Variants in SYTL5 observed in about 807,000 individuals in gnomAD.
SYTL5 encodes synaptotagmin like 5, also known as synaptotagmin-like protein 5.
A neutral mutation model predicts 55.9 loss-of-function variants in SYTL5; 34 were observed. The observed-to-expected ratio is 0.61, with a 90% CI of 0.46 to 0.81. The LOEUF is 0.81. Ranked by LOEUF, SYTL5 falls within the 30% of genes least tolerant of loss-of-function variation. The pLI is 0.00. For missense variants in SYTL5, 637 were observed against 546.7 expected, an observed-to-expected ratio of 1.17 and a Z score of -1.65; for synonymous variants, 221 against 188.7, an observed-to-expected ratio of 1.17 and a Z score of -1.40.
intron 13 of SYTL5, among the ~76,000 whole-genome samples, chrX:38,118,499 A>G (rs1038186126): frequency 8.9e-6 from 1 of 111,777 alleles, no homozygotes; most frequent in Non-Finnish European, 1.9e-5. Context: ...AAAGCCTGAC[A>G]AAGTATACTG....
the SYTL5 span, among the ~76,000 whole-genome samples, chrX:37,947,134 G>T: frequency 1.8e-5 from 2 of 110,878 alleles, no homozygotes; most frequent in Non-Finnish European, 3.8e-5. Context: ...GGGCCAAATT[G>T]ATTGTCTTCA....
At chrX:38,107,565 G>A (rs910789314) in intron 11 of SYTL5, among the ~76,000 whole-genome samples, 2 of 111,708 alleles carry the variant, frequency 1.8e-5, no homozygotes, top group Admixed American at 1.9e-4. Context: ...TAGGAACAAC[G>A]AGCCACTTTT....
chrX:37,963,431 G>A, the SYTL5 span, among the ~76,000 whole-genome samples: 1 of 109,978 alleles, frequency 9.1e-6, no homozygotes, highest in African/African-American at 3.3e-5. Context: ...TGGGACTACA[G>A]GCATGTGCCA....
rs929182903 is a variant in SYTL5 at position 38,064,378 on chromosome X, C to A, written c.330-7669C>A. Among the ~76,000 whole-genome samples, 5 of 111,233 alleles carry A rather than the reference C, an allele frequency of 4.5e-5. No individual in the cohort carries two copies. In the East Asian group the frequency reaches 1.4e-3, roughly 31 times the overall value. On this transcript the variant is annotated intron_variant, in intron 3 of 16. Transcript: ENST00000297875. ...TGAACATTTTTTATTTTTTCCAAACCGATAGATATAAAGGAATATCTCCCT... is the reference window on the plus strand; with the variant it reads ...TGAACATTTTTTATTTTTTCCAAACAGATAGATATAAAGGAATATCTCCCT...
chrX:38,035,497 G>A (rs376630446), intron 2 of SYTL5, among the ~76,000 whole-genome samples: 27 of 108,542 alleles, frequency 2.5e-4, no homozygotes, highest in African/African-American at 4.0e-4. Flanking sequence ...AGGCTGAGGC[G>A]GGAGAATGGC....
At chrX:38,002,536 G>A (rs1342515638), upstream of SYTL5, among the ~76,000 whole-genome samples, 1 of 111,770 alleles carries the variant, frequency 8.9e-6, no homozygotes, top group East Asian at 2.8e-4. Flanking sequence ...GTTGTTTCCT[G>A]ACTTTTGGAT....
chrX:38,083,555 G>T (rs1936590834), intron 6 of SYTL5, among the ~76,000 whole-genome samples: 1 of 111,268 alleles, frequency 9.0e-6, no homozygotes, highest in South Asian at 3.8e-4. Context: ...GTGCGAGTAA[G>T]CCATAGAAGG....
chrX:37,912,857 C>T, the SYTL5 span, among the ~76,000 whole-genome samples: 4 of 111,946 alleles, frequency 3.6e-5, no homozygotes, highest in African/African-American at 1.3e-4. Flanking sequence ...TATCTATTCC[C>T]ACCTTCTCCC....
intron 13 of SYTL5, among the ~76,000 whole-genome samples, chrX:38,119,374 T>C (rs772895790): frequency 1.5e-3 from 173 of 112,086 alleles, no homozygotes; most frequent in African/African-American, 5.4e-3. Context: ...CAACCACTAA[T>C]CTGTTCTCCA....
At position 38,028,609 on chromosome X, in the gene SYTL5, G is replaced by T. The variant is rs949042699; in HGVS notation, c.-356-4925G>T. Among the ~76,000 whole-genome samples, 4 of 111,756 alleles carry T rather than the reference G, an allele frequency of 3.6e-5. No individual in the cohort carries two copies. The East Asian group carries it at 8.5e-4, about 24-fold the overall frequency. The stretch of plus-strand genomic sequence containing the variant: ...AACGTTTTAAGCAAAAAGTCAAAAA[G>T]ATCACTTTGGTCTTCTATTAGCTCA... On this transcript the variant is annotated intron_variant, in intron 1 of 16. Transcript: ENST00000297875.
At chrX:38,005,008 C>T (rs970718708), upstream of SYTL5, among the ~76,000 whole-genome samples, 2 of 111,173 alleles carry the variant, frequency 1.8e-5, no homozygotes, top group African/African-American at 3.3e-5. Flanking sequence ...TTATATATTG[C>T]AAGCCTGTAT....
chrX:38,017,927 G>T lies in SYTL5; in HGVS notation c.-357+11259G>T, dbSNP rs184811966. On this transcript the variant is annotated intron_variant, in intron 1 of 16. Coordinates refer to ENST00000297875, the MANE Select transcript of SYTL5 (RefSeq NM_138780.3). ...ATCTAAATGGGTCCAGGTGCCGGCG[G>T]TGATTACCCTTATCTTGTCTCCTGC... 5.1e-4 allele frequency among the ~76,000 whole-genome samples: 56 copies of T among 109,811 alleles called. 1 individual carries two copies. The highest frequency in any genetic ancestry group is 1.7e-3 in the African/African-American group (52 of 30,190).
At chrX:37,964,703 G>T in the SYTL5 span, among the ~76,000 whole-genome samples, 1 of 111,409 alleles carries the variant, frequency 9.0e-6, no homozygotes, top group Non-Finnish European at 1.9e-5. Context: ...GAATTCATCA[G>T]TGAAGACATC....
chrX:38,112,866 T>C (rs1349729517), intron 13 of SYTL5, among the ~76,000 whole-genome samples: 1 of 112,180 alleles, frequency 8.9e-6, no homozygotes, highest in African/African-American at 3.2e-5. Flanking sequence ...CTTGGAGACT[T>C]GACGTTTCTC....
chrX:38,034,072 A>G (rs1935036874), intron 2 of SYTL5, 64 bp downstream of exon 2: 2 of 658,297 alleles, frequency 3.0e-6, no homozygotes, highest in Non-Finnish European at 4.5e-6. Flanking sequence ...AGCAATTTAG[A>G]TCAGAAATGG....
chrX:38,121,575 G>A (rs1368577192), intron 14 of SYTL5, among the ~76,000 whole-genome samples: 1 of 112,648 alleles, frequency 8.9e-6, no homozygotes, highest in Admixed American at 9.4e-5. Context: ...AAAGTGAGGT[G>A]GAAAAGAGAT....
At chrX:37,994,801 C>T in the SYTL5 span, 1 of 110,209 alleles carries the variant, frequency 9.1e-6, no homozygotes, top group Non-Finnish European at 1.9e-5. Context: ...GTTTCGGAGC[C>T]ATGCGGGACT....
the SYTL5 span, among the ~76,000 whole-genome samples, chrX:38,001,076 G>A: frequency 9.0e-6 from 1 of 110,892 alleles, no homozygotes; most frequent in Non-Finnish European, 1.9e-5. Context: ...AGGAAAAAAT[G>A]TCTGTCCTCA....
At chrX:37,940,488 A>G in the SYTL5 span, among the ~76,000 whole-genome samples, 1 of 106,309 alleles carries the variant, frequency 9.4e-6, no homozygotes, top group Non-Finnish European at 1.9e-5. Context: ...CTAAAAAAAA[A>G]AAAAAAAAAT....
Sources: allele counts gnomAD v4.1 joint callset (sites outside exome capture counted in the v4.1 genomes callset), GRCh38; gene constraint gnomAD v4.1.1; transcripts MANE v1.5; gene names NCBI Gene and HGNC (gene_info 2026-07-23, HGNC 2026-07-21).